The following PLEKHA5 variants were observed in gnomAD, a reference collection of about 807,000 sequenced individuals.
PLEKHA5 encodes pleckstrin homology domain containing A5.
PLEKHA5 carries 55 observed loss-of-function variants against 181.9 expected under a neutral mutation model. That is an observed-to-expected ratio of 0.30 (90% CI 0.24 to 0.38). The LOEUF is 0.38. PLEKHA5 is among the 10% of genes least tolerant of loss of function. The pLI is 1.00. For synonymous variants in PLEKHA5, 535 were observed against 529.4 expected (o/e 1.01, Z -0.15); for missense variants, 1,432 against 1,549.5 (o/e 0.92, Z 1.27).
intron 3 of PLEKHA5, among the ~76,000 whole-genome samples, chr12:19,208,084 T>C (rs2056037442): frequency 6.6e-6 from 1 of 152,082 alleles, no homozygotes; most frequent in Admixed American, 6.6e-5. Context: ...GAACCTAGCA[T>C]GGTGTTAGTC....
chr12:19,281,894 G>T (rs2076256913), intron 11 of PLEKHA5, among the ~76,000 whole-genome samples: 1 of 151,920 alleles, frequency 6.6e-6, no homozygotes, highest in Non-Finnish European at 1.5e-5. Context: ...CCATTCTCCT[G>T]CCTCAGCCTC....
chr12:19,153,420 C>G (rs1408601561), intron 3 of PLEKHA5: 4 of 152,074 alleles, frequency 2.6e-5, no homozygotes, highest in Admixed American at 2.6e-4. Context: ...ATGAAGTACT[C>G]TTTTTTCCAA....
intron 3 of PLEKHA5, among the ~76,000 whole-genome samples, chr12:19,184,193 T>C (rs979392714): frequency 1.3e-5 from 2 of 152,170 alleles, no homozygotes; most frequent in African/African-American, 2.4e-5. Flanking sequence ...AAGAAGAAAG[T>C]AGTGATTTTT....
chr12:19,143,312 A>G (rs759720285), intron 3 of PLEKHA5, among the ~76,000 whole-genome samples: 1 of 152,242 alleles, frequency 6.6e-6, no homozygotes, highest in Non-Finnish European at 1.5e-5. Flanking sequence ...TTTTAAAGTT[A>G]GTAAAGAAAT....
intron 3 of PLEKHA5, among the ~76,000 whole-genome samples, chr12:19,204,640 T>G (rs2054966694): frequency 6.6e-6 from 1 of 152,154 alleles, no homozygotes; most frequent in Admixed American, 6.6e-5. Context: ...ATTTAAAAAT[T>G]TTTGTATAGG....
intron 3 of PLEKHA5, chr12:19,207,270 A>G (rs992932511): frequency 3.9e-5 from 6 of 152,086 alleles, no homozygotes; most frequent in African/African-American, 1.4e-4. Flanking sequence ...TTTTAGTCCC[A>G]GATACCTCTA....
intron 3 of PLEKHA5, among the ~76,000 whole-genome samples, chr12:19,179,246 A>G (rs1055269604): frequency 8.5e-5 from 13 of 152,146 alleles, no homozygotes; most frequent in Non-Finnish European, 1.6e-4. Context: ...GTTTAACAGT[A>G]TGTATTATTT....
At chr12:19,300,164 T>C (rs2081072113) in intron 15 of PLEKHA5, among the ~76,000 whole-genome samples, 1 of 152,226 alleles carries the variant, frequency 6.6e-6, no homozygotes, top group South Asian at 2.1e-4. Flanking sequence ...TTAAATCAGA[T>C]TCCATGACTT....
At position 19,138,433 on chromosome 12, in the gene PLEKHA5, T is replaced by C. The variant is rs370590817; in HGVS notation, c.227+5983T>C. 2.1e-3 allele frequency among the ~76,000 whole-genome samples: 318 copies of C among 150,894 alleles called. 1 individual carries two copies. The highest frequency in any genetic ancestry group is 7.5e-3 in the African/African-American group (308 of 41,112). ...ACTAAAAATACAAAAATTAGCCGGG[T>C]GTGGTGGCGGGCTCCTGTAGTCCCA... On this transcript the variant is annotated intron_variant, in intron 3 of 31. Coordinates refer to ENST00000429027, the MANE Select transcript of PLEKHA5 (RefSeq NM_001256470.2).
intron 6 of PLEKHA5, among the ~76,000 whole-genome samples, chr12:19,258,722 C>T (rs530248816): frequency 2.6e-4 from 40 of 151,858 alleles, no homozygotes; most frequent in African/African-American, 8.2e-4. Flanking sequence ...GTGCCACTAC[C>T]GCCAAGCTAA....
chr12:19,192,960 A>C (rs907142302), intron 3 of PLEKHA5, among the ~76,000 whole-genome samples: 1 of 152,184 alleles, frequency 6.6e-6, no homozygotes, highest in Non-Finnish European at 1.5e-5. Context: ...ATACTCATTT[A>C]TGTAATGTCT....
intron 16 of PLEKHA5, among the ~76,000 whole-genome samples, chr12:19,315,600 G>A (rs1462888980): frequency 6.6e-6 from 1 of 152,054 alleles, no homozygotes; most frequent in Non-Finnish European, 1.5e-5. Context: ...TGGTCTAAAT[G>A]TTTCTAGCTA....
At chr12:19,223,265 CA>C (rs2059245196) in intron 3 of PLEKHA5, among the ~76,000 whole-genome samples, 1 of 152,048 alleles carries the variant, frequency 6.6e-6, no homozygotes. Context: ...ACCTGGTGGA[CA>C]GTGATCATAA....
intron 31 of PLEKHA5, chr12:19,370,927 T>C (rs1024608322): frequency 6.6e-6 from 1 of 152,004 alleles, no homozygotes; most frequent in Non-Finnish European, 1.5e-5. Flanking sequence ...GAATTCAAGC[T>C]ACCCTCCCAC....
intron 29 of PLEKHA5, among the ~76,000 whole-genome samples, chr12:19,363,004 G>T (rs974454272): frequency 6.6e-6 from 1 of 150,986 alleles, no homozygotes. Flanking sequence ...CTGTGGGGGG[G>T]CCCTGAAATC....
At chr12:19,170,398 G>A (rs1003380670) in intron 3 of PLEKHA5, among the ~76,000 whole-genome samples, 7 of 151,624 alleles carry the variant, frequency 4.6e-5, no homozygotes, top group African/African-American at 1.7e-4. Flanking sequence ...ATTGTATGAG[G>A]GAGACTTGTG....
intron 30 of PLEKHA5, among the ~76,000 whole-genome samples, chr12:19,367,194 CTT>C (rs1565672761): frequency 1.4e-5 from 2 of 143,804 alleles, no homozygotes; most frequent in Non-Finnish European, 3.1e-5. Context: ...CCCTTTTACT[CTT>C]TTTCTTTATG....
chr12:19,306,231 C>T (rs974324718), intron 15 of PLEKHA5, among the ~76,000 whole-genome samples: 24 of 152,014 alleles, frequency 1.6e-4, no homozygotes, highest in African/African-American at 5.8e-4. Flanking sequence ...AGAAATTCAC[C>T]GGCATTATTA....
Position 19,255,031 on chromosome 12 carries a change from A to G in PLEKHA5, c.312-14A>G. ...ATACACAGCAAGTTCTAGCATTTTG[A>G]CATATATTTTCAGGACTGTTGCAAC... is the stretch of plus-strand genomic sequence containing the variant. On this transcript the variant is annotated splice_polypyrimidine_tract_variant and intron_variant, in intron 4 of 31. Coordinates refer to ENST00000429027, the MANE Select transcript of PLEKHA5 (RefSeq NM_001256470.2). 1 of 1,596,558 alleles carries G rather than the reference A, an allele frequency of 6.3e-7. No individual in the cohort carries two copies. Among genetic ancestry groups the G allele is most frequent in the Non-Finnish European group, 8.6e-7 (1 of 1,168,576 alleles).
Sources: allele counts gnomAD v4.1 joint callset (sites outside exome capture counted in the v4.1 genomes callset), GRCh38; gene constraint gnomAD v4.1.1; transcripts MANE v1.5; gene names NCBI Gene and HGNC (gene_info 2026-07-23, HGNC 2026-07-21).